Variants in EPHA6 observed in about 807,000 individuals in gnomAD.
EPHA6 encodes EPH receptor A6, also known as ephrin type-A receptor 6.
A neutral mutation model predicts 112.0 loss-of-function variants in EPHA6; 50 were observed. The ratio of observed to expected loss-of-function variants is 0.45; its 90% confidence interval spans 0.36 to 0.56. EPHA6 has a LOEUF of 0.56. Ranked by LOEUF, EPHA6 falls within the 20% of genes least tolerant of loss-of-function variation. The pLI, the probability that EPHA6 is intolerant of heterozygous loss-of-function variation, is 0.00. For missense variants in EPHA6, 1,280 were observed against 1,417.4 expected (o/e 0.90, Z 1.56); for synonymous variants, 529 against 490.7 (o/e 1.08, Z -1.03).
chr3:96,984,807 C>T (rs1160460292), intron 2 of EPHA6, among the ~76,000 whole-genome samples: 1 of 152,218 alleles, frequency 6.6e-6, no homozygotes, highest in African/African-American at 2.4e-5. Context: ...GACTGCTGTG[C>T]TAGCAATGAG....
chr3:97,608,481 A>G (rs2093695481), intron 12 of EPHA6, among the ~76,000 whole-genome samples: 1 of 151,370 alleles, frequency 6.6e-6, no homozygotes, highest in Non-Finnish European at 1.5e-5. Context: ...GATACAAAGC[A>G]TTATGGGAAA....
chr3:97,293,523 A>C (rs1192409862), intron 5 of EPHA6, among the ~76,000 whole-genome samples: 3 of 152,338 alleles, frequency 2.0e-5, no homozygotes, highest in Admixed American at 6.5e-5. Flanking sequence ...AGAGTCAATG[A>C]GACCCAAAGT....
At chr3:97,678,262 A>G (rs1445182411) in intron 14 of EPHA6, among the ~76,000 whole-genome samples, 2 of 152,224 alleles carry the variant, frequency 1.3e-5, no homozygotes, top group Non-Finnish European at 2.9e-5. Context: ...CAGCCATGAC[A>G]TGAAAATTGT....
chr3:97,146,797 A>G (rs1471190809), intron 3 of EPHA6, among the ~76,000 whole-genome samples: 1 of 151,856 alleles, frequency 6.6e-6, no homozygotes, highest in African/African-American at 2.4e-5. Flanking sequence ...TCCCACTTCT[A>G]ATTCCTTTTA....
At chr3:97,429,261 A>G (rs993573295) in intron 6 of EPHA6, among the ~76,000 whole-genome samples, 1 of 152,174 alleles carries the variant, frequency 6.6e-6, no homozygotes, top group African/African-American at 2.4e-5. Flanking sequence ...ATACTTTTAT[A>G]GTAGGAAAAT....
chr3:97,169,149 T>G (rs1365553965), intron 3 of EPHA6, among the ~76,000 whole-genome samples: 1 of 152,170 alleles, frequency 6.6e-6, no homozygotes, highest in Non-Finnish European at 1.5e-5. Context: ...AGGTTGTTGT[T>G]TCTTCATTTG....
At chr3:96,892,940 T>TTATATA (rs533405941) in intron 2 of EPHA6, among the ~76,000 whole-genome samples, 1 of 145,430 alleles carries the variant, frequency 6.9e-6, no homozygotes, top group Admixed American at 6.8e-5. Flanking sequence ...TGATTCCAAC[T>TTATATA]TATATATATA....
intron 5 of EPHA6, among the ~76,000 whole-genome samples, chr3:97,402,729 T>C (rs2087070557): frequency 6.6e-6 from 1 of 152,158 alleles, no homozygotes; most frequent in Admixed American, 6.5e-5. Context: ...TCTGTAATTC[T>C]CTCTCGAGAA....
At chr3:97,577,041 A>G (rs1405115125) in intron 11 of EPHA6, among the ~76,000 whole-genome samples, 1 of 152,114 alleles carries the variant, frequency 6.6e-6, no homozygotes, top group Non-Finnish European at 1.5e-5. Flanking sequence ...TTTAGAGACA[A>G]GATCTCACTG....
chr3:96,910,622 C>G (rs749529693), intron 2 of EPHA6, among the ~76,000 whole-genome samples: 1 of 151,972 alleles, frequency 6.6e-6, no homozygotes, highest in Non-Finnish European at 1.5e-5. Context: ...TTGAACTTGG[C>G]CTTTAAACTT....
intron 5 of EPHA6, among the ~76,000 whole-genome samples, chr3:97,249,388 A>G (rs1436615871): frequency 6.6e-6 from 1 of 152,190 alleles, no homozygotes; most frequent in Non-Finnish European, 1.5e-5. Flanking sequence ...AGTGCAGCCA[A>G]ATATTAAATT....
intron 3 of EPHA6, among the ~76,000 whole-genome samples, chr3:97,106,975 G>A (rs1306716385): frequency 1.3e-5 from 2 of 152,088 alleles, no homozygotes; most frequent in African/African-American, 4.8e-5. Context: ...CTTGGTGATG[G>A]TGGGGTTACC....
At chr3:97,141,909 A>G (rs1234121808) in intron 3 of EPHA6, among the ~76,000 whole-genome samples, 2 of 152,004 alleles carry the variant, frequency 1.3e-5, no homozygotes, top group Non-Finnish European at 2.9e-5. Flanking sequence ...TTGCCCCAGA[A>G]TACTTGCTGG....
chr3:97,316,533 T>C (rs1322837257), intron 5 of EPHA6, among the ~76,000 whole-genome samples: 1 of 151,906 alleles, frequency 6.6e-6, no homozygotes, highest in Non-Finnish European at 1.5e-5. Flanking sequence ...CTTAAGAGCA[T>C]AGTGTTATAA....
intron 14 of EPHA6, among the ~76,000 whole-genome samples, chr3:97,684,535 T>C (rs1385081229): frequency 6.6e-6 from 1 of 152,162 alleles, no homozygotes; most frequent in African/African-American, 2.4e-5. Flanking sequence ...TTATTTGGAA[T>C]TCAGTGGGAC....
chr3:97,154,348 C>A (rs2076241335), intron 3 of EPHA6, among the ~76,000 whole-genome samples: 1 of 151,660 alleles, frequency 6.6e-6, no homozygotes, highest in African/African-American at 2.4e-5. Flanking sequence ...TGTTTATTTT[C>A]TTTTAAATTG....
chr3:96,814,834 C>G lies in EPHA6; in HGVS notation c.211C>G (p.Pro71Ala), dbSNP rs924622315. 4 of 1,582,462 alleles carry G rather than the reference C, an allele frequency of 2.5e-6. No individual in the cohort carries two copies. Among genetic ancestry groups the G allele is most frequent in the Non-Finnish European group, 8.6e-7 (1 of 1,163,744 alleles). Residue 71 changes from proline to alanine, a missense_variant, in exon 1 of 18, where the codon CCT becomes GCT. This residue lies in a region of EPHA6 where 220 missense variants were observed against 171.5 expected (regional missense o/e 1.28). Coordinates refer to ENST00000389672, the MANE Select transcript of EPHA6 (RefSeq NM_001080448.3). Reference sequence around the variant, plus strand: ...AGAAGACGTGGACAAGGACCCCCATCCTACCCAGAACACCTGCCTGCGCTG... The same window carrying G: ...AGAAGACGTGGACAAGGACCCCCATGCTACCCAGAACACCTGCCTGCGCTG... ...EEEDVDKDPH[P>A]TQNTCLRCRH...
chr3:97,466,338 A>G (rs1238632226), intron 7 of EPHA6: 2 of 1,601,756 alleles, frequency 1.2e-6, no homozygotes, highest in African/African-American at 1.3e-5. Context: ...GTTTGGATAT[A>G]TAAAGTCCTG....
intron 3 of EPHA6, among the ~76,000 whole-genome samples, chr3:97,012,381 A>C (rs903945689): frequency 7.3e-5 from 11 of 151,322 alleles, no homozygotes; most frequent in African/African-American, 2.7e-4. Flanking sequence ...CATTGGCATG[A>C]TCACAGCTCA....
Sources: allele counts gnomAD v4.1 joint callset (sites outside exome capture counted in the v4.1 genomes callset), GRCh38; gene constraint gnomAD v4.1.1; regional missense constraint gnomAD v4.1.1; transcripts MANE v1.5; gene names NCBI Gene and HGNC (gene_info 2026-07-23, HGNC 2026-07-21).